Variants in RAB40C observed in about 807,000 individuals in gnomAD.
RAB40C encodes the protein RAB40C, member RAS oncogene family, also known as ras-related protein Rab-40C.
A neutral mutation model predicts 28.1 loss-of-function variants in RAB40C; 8 were observed. The observed-to-expected ratio is 0.28, with a 90% CI of 0.17 to 0.51. RAB40C has a LOEUF of 0.51. Among genes scored for constraint, RAB40C ranks in the 20% least tolerant of loss-of-function variants. The pLI is 0.97. For missense variants in RAB40C, 288 were observed against 405.9 expected, an observed-to-expected ratio of 0.71 and a Z score of 2.50; for synonymous variants, 201 against 171.7, an observed-to-expected ratio of 1.17 and a Z score of -1.34.
chr16:620,008 G>A (rs978394061), intron 3 of RAB40C, among the ~76,000 whole-genome samples: 3 of 152,230 alleles, frequency 2.0e-5, no homozygotes, highest in African/African-American at 7.2e-5. Context: ...CCATCCCTGT[G>A]AGAACTGGAG....
At chr16:611,116 C>T (rs1268864908) in intron 1 of RAB40C, among the ~76,000 whole-genome samples, 4 of 152,216 alleles carry the variant, frequency 2.6e-5, no homozygotes, top group Admixed American at 1.3e-4. Flanking sequence ...AGACGTCCAG[C>T]GGGAGGAGCA....
chr16:617,153 C>G (rs548320348), intron 1 of RAB40C, 55 bp from the exon 2 acceptor site: 2 of 1,590,682 alleles, frequency 1.3e-6, no homozygotes, highest in African/African-American at 2.7e-5. Context: ...GCTGGTCTCG[C>G]GGGCGCTCGC....
At chr16:602,403 C>T (rs748651730) in intron 1 of RAB40C, among the ~76,000 whole-genome samples, 4 of 151,864 alleles carry the variant, frequency 2.6e-5, no homozygotes, top group Admixed American at 6.6e-5. Flanking sequence ...CATAGGCATG[C>T]ACCACAACAC....
intron 3 of RAB40C, chr16:623,988 C>G (rs2151080693): frequency 3.0e-6 from 3 of 985,440 alleles, no homozygotes; most frequent in South Asian, 9.4e-5. Flanking sequence ...CTTACCTCAC[C>G]TGGGTTGCAC....
At chr16:620,837 C>T (rs563009350) in intron 3 of RAB40C, among the ~76,000 whole-genome samples, 27 of 149,978 alleles carry the variant, frequency 1.8e-4, no homozygotes, top group South Asian at 8.5e-4. Context: ...CCACCCCCCC[C>T]GACGGGCTCC....
Position 627,795 on chromosome 16 carries a change from C to T in RAB40C, c.*173C>T, listed in dbSNP as rs1271362667. On this transcript the variant is annotated 3_prime_UTR_variant, in exon 6 of 6. Transcript: ENST00000248139. ...CGAGGAGGAGCATGCACGGACCAAG[C>T]GCGGCAGGCGGGAGGAGGGGGCGCG... 1.7e-5 allele frequency: 13 copies of T among 774,458 alleles called. No individual in the cohort carries two copies. The highest frequency in any genetic ancestry group is 1.3e-4 in the South Asian group (4 of 31,328). The allele number at this position is 774,458 out of a possible 1,614,324, so 48.0% of individuals were successfully genotyped here. A position where few individuals can be genotyped will look rare whatever the true frequency, so the allele number is the denominator to read the frequency against.
At chr16:619,557 C>CA (rs1192607134) in intron 3 of RAB40C, among the ~76,000 whole-genome samples, 1 of 152,204 alleles carries the variant, frequency 6.6e-6, no homozygotes, top group African/African-American at 2.4e-5. Context: ...GTTGCTGCTT[C>CA]AGTGGGAGGG....
intron 1 of RAB40C, among the ~76,000 whole-genome samples, chr16:616,382 AG>A (rs2036585811): frequency 6.7e-6 from 1 of 149,564 alleles, no homozygotes. Context: ...ACTGTCACCC[AG>A]GCAGGAGTGC....
intron 1 of RAB40C, among the ~76,000 whole-genome samples, chr16:601,250 C>T (rs890436707): frequency 6.6e-6 from 1 of 152,220 alleles, no homozygotes; most frequent in Non-Finnish European, 1.5e-5. Flanking sequence ...AAGGCTGTAT[C>T]ACCGAGTATC....
chr16:625,322 A>G (rs1567195033), intron 3 of RAB40C, 110 bp from the exon 4 acceptor site: 1 of 1,504,644 alleles, frequency 6.6e-7, no homozygotes, highest in Non-Finnish European at 9.0e-7. Context: ...CCAAGTAATA[A>G]GCATCCTTGG....
intron 1 of RAB40C, among the ~76,000 whole-genome samples, chr16:615,124 T>A (rs1359074753): frequency 6.6e-6 from 1 of 152,162 alleles, no homozygotes; most frequent in Non-Finnish European, 1.5e-5. Flanking sequence ...ATTTGTAGAG[T>A]CTAGAGATCA....
chr16:618,021 G>A (rs914578466), intron 2 of RAB40C, among the ~76,000 whole-genome samples, 179 bp from the exon 3 acceptor site: 1 of 152,212 alleles, frequency 6.6e-6, no homozygotes, highest in Non-Finnish European at 1.5e-5. Flanking sequence ...CTGGCTCAGC[G>A]GCACGGCGCC....
In RAB40C at chr16:597,383, G is replaced by A. The variant is rs553071056; in HGVS notation, c.142+6950G>A. Among the ~76,000 whole-genome samples the A allele has an allele frequency of 1.4e-3, 216 of 152,180 alleles. 3 individuals carry two copies. Among genetic ancestry groups the A allele is most frequent in the African/African-American group, 4.6e-3 (193 of 41,526 alleles). On this transcript the variant is annotated intron_variant, in intron 1 of 5. Transcript: ENST00000248139. ...CCTCAAACCAAACTGGGAAGGATTC[G>A]AATCCTGGATGGGTGATGTGGTCCT...
rs1030734879 is a variant in RAB40C, at chr16:628,371, T to G, written c.*749T>G. The stretch of plus-strand genomic sequence containing the variant: ...CATTGACCACTCAAAACTCAGATCA[T>G]CTCGCCCACCCTGGAGAGTGCAGAG... On this transcript the variant is annotated 3_prime_UTR_variant, in exon 6 of 6. Coordinates refer to ENST00000248139, the MANE Select transcript of RAB40C (RefSeq NM_021168.5). 3.3e-5 allele frequency: 5 copies of G among 152,258 alleles called. No homozygotes were observed. Among genetic ancestry groups the G allele is most frequent in the African/African-American group, 1.2e-4 (5 of 41,440 alleles). The allele number at this position is 152,258 out of a possible 1,614,324, so 9.4% of individuals were successfully genotyped here.
At chr16:601,256 G>C (rs2036242883) in intron 1 of RAB40C, among the ~76,000 whole-genome samples, 1 of 152,186 alleles carries the variant, frequency 6.6e-6, no homozygotes, top group South Asian at 2.1e-4. Flanking sequence ...GTATCACCGA[G>C]TATCTGCTCA....
intron 1 of RAB40C, among the ~76,000 whole-genome samples, chr16:614,378 C>T (rs1031980016): frequency 1.9e-5 from 2 of 104,380 alleles, no homozygotes; most frequent in Non-Finnish European, 3.9e-5. Context: ...TACCTCGTCC[C>T]GATGGTGAAC....
At chr16:599,488 C>T (rs1231562062) in intron 1 of RAB40C, among the ~76,000 whole-genome samples, 1 of 152,280 alleles carries the variant, frequency 6.6e-6, no homozygotes, top group African/African-American at 2.4e-5. Flanking sequence ...TCCGTGTGCG[C>T]TGCTGCCATG....
At chr16:620,840 C>T (rs1284618846) in intron 3 of RAB40C, among the ~76,000 whole-genome samples, 2 of 150,628 alleles carry the variant, frequency 1.3e-5, no homozygotes, top group African/African-American at 2.4e-5. Flanking sequence ...CCCCCCCCGA[C>T]GGGCTCCACC....
At chr16:624,733 A>T (rs1596417568) in intron 3 of RAB40C, 2 of 985,218 alleles carry the variant, frequency 2.0e-6, no homozygotes, top group Non-Finnish European at 2.4e-6. Flanking sequence ...GACGTTGGGG[A>T]GAGGCGGGCA....
Sources: allele counts gnomAD v4.1 joint callset (sites outside exome capture counted in the v4.1 genomes callset), GRCh38; gene constraint gnomAD v4.1.1; transcripts MANE v1.5; gene names NCBI Gene and HGNC (gene_info 2026-07-23, HGNC 2026-07-21).